SH3RF3: variants seen among roughly 807,000 people sequenced by gnomAD.
SH3RF3 encodes E3 ubiquitin-protein ligase SH3RF3.
A neutral mutation model predicts 66.3 loss-of-function variants in SH3RF3; 29 were observed. The ratio of observed to expected loss-of-function variants is 0.44; its 90% CI spans 0.33 to 0.60. The LOEUF (loss-of-function observed/expected upper bound fraction) is 0.60. Among genes scored for constraint, SH3RF3 ranks in the 20% least tolerant of loss-of-function variants. The pLI is 0.04. For missense variants in SH3RF3, 1,194 were observed against 1,190.9 expected (o/e 1.00, Z -0.04); for synonymous variants, 583 against 532.0 (o/e 1.10, Z -1.32).
At chr2:109,369,721 TC>T (rs1380213249) in intron 2 of SH3RF3, among the ~76,000 whole-genome samples, 2 of 152,116 alleles carry the variant, frequency 1.3e-5, no homozygotes, top group African/African-American at 4.8e-5. Context: ...TTCTGTGTGA[TC>T]CCACATGGGC....
chr2:109,492,957 C>A (rs1398297688), intron 9 of SH3RF3, among the ~76,000 whole-genome samples: 1 of 152,068 alleles, frequency 6.6e-6, no homozygotes, highest in Non-Finnish European at 1.5e-5. Flanking sequence ...CTACAGGGCC[C>A]CAGGCCCTTG....
intron 4 of SH3RF3, among the ~76,000 whole-genome samples, chr2:109,414,813 C>T (rs1044471559): frequency 6.6e-5 from 10 of 152,228 alleles, no homozygotes; most frequent in African/African-American, 1.9e-4. Flanking sequence ...GCTAGAAACT[C>T]GGCCCATGCT....
chr2:109,501,784 C>T lies in SH3RF3; in HGVS notation c.*113C>T. 1 of 630,382 alleles carries T rather than the reference C, an allele frequency of 1.6e-6. No individual in the cohort carries two copies. Among genetic ancestry groups the T allele is most frequent in the African/African-American group, 1.8e-5 (1 of 55,156 alleles). The allele number at this position is 630,382 out of a possible 1,614,324, so 39.0% of individuals were successfully genotyped here. On this transcript the variant is annotated 3_prime_UTR_variant, in exon 10 of 10. Coordinates refer to ENST00000309415, the MANE Select transcript of SH3RF3 (RefSeq NM_001099289.3). ...AGGGTTCCAGGTCATCTCCAAGGCA[C>T]CTGGCGGGGGATACCCTGGCCCAGG...
chr2:109,293,095 C>G lies in SH3RF3; in HGVS notation c.574-54579C>G, dbSNP rs1338040673. On this transcript the variant is annotated intron_variant, in intron 1 of 9. Coordinates refer to ENST00000309415, the MANE Select transcript of SH3RF3 (RefSeq NM_001099289.3). ...AGGGTCCCTGCACAAGCAGGAAGGA[C>G]TGTCTCGCCATGACACTGCAGGGGA... Among the ~76,000 whole-genome samples the G allele has an allele frequency of 2.6e-5, 4 of 152,186 alleles. 1 individual carries two copies. Among genetic ancestry groups the G allele is most frequent in the Non-Finnish European group, 4.4e-5 (3 of 68,036 alleles).
chr2:109,343,707 T>C (rs1486721241), intron 1 of SH3RF3, among the ~76,000 whole-genome samples: 1 of 151,034 alleles, frequency 6.6e-6, no homozygotes, highest in Non-Finnish European at 1.5e-5. Flanking sequence ...CAATCTCCAG[T>C]CTGCCCCTGC....
chr2:109,244,177 A>G (rs983457641), intron 1 of SH3RF3, among the ~76,000 whole-genome samples: 4 of 152,322 alleles, frequency 2.6e-5, no homozygotes, highest in East Asian at 1.9e-4. Context: ...AGGATGTACT[A>G]TTTATGGACT....
chr2:109,297,708 GC>G (rs1681350540), intron 1 of SH3RF3, among the ~76,000 whole-genome samples: 1 of 143,962 alleles, frequency 6.9e-6, no homozygotes, highest in South Asian at 2.2e-4. Context: ...TTCTGCCCAT[GC>G]CCCCCAACTG....
At chr2:109,274,785 T>C (rs924390286) in intron 1 of SH3RF3, among the ~76,000 whole-genome samples, 1 of 152,204 alleles carries the variant, frequency 6.6e-6, no homozygotes, top group Non-Finnish European at 1.5e-5. Flanking sequence ...TCATGTTATA[T>C]GAATTTTGCA....
intron 1 of SH3RF3, among the ~76,000 whole-genome samples, chr2:109,166,847 G>A (rs910159945): frequency 1.3e-5 from 2 of 152,172 alleles, no homozygotes; most frequent in African/African-American, 4.8e-5. Context: ...CCCCATATAT[G>A]ATTTTAACAA....
At chr2:109,451,487 A>G (rs549088362) in intron 8 of SH3RF3, among the ~76,000 whole-genome samples, 1 of 152,312 alleles carries the variant, frequency 6.6e-6, no homozygotes, top group South Asian at 2.1e-4. Flanking sequence ...TGTGAAGCAA[A>G]TGGGACTGGC....
chr2:109,262,731 C>T (rs190979902), intron 1 of SH3RF3, among the ~76,000 whole-genome samples: 1 of 152,328 alleles, frequency 6.6e-6, no homozygotes, highest in African/African-American at 2.4e-5. Context: ...GCTTTGTTCT[C>T]ACTTACCTCC....
chr2:109,177,354 A>G (rs1677944762), intron 1 of SH3RF3, among the ~76,000 whole-genome samples: 2 of 152,182 alleles, frequency 1.3e-5, no homozygotes, highest in Admixed American at 6.5e-5. Context: ...GGTACAAGGG[A>G]CTGCAACTAA....
chr2:109,227,538 G>A (rs1454467207), intron 1 of SH3RF3, among the ~76,000 whole-genome samples: 2 of 152,212 alleles, frequency 1.3e-5, no homozygotes, highest in East Asian at 3.9e-4. Flanking sequence ...GGGTCTGCCT[G>A]GGCCCTGCCC....
intron 6 of SH3RF3, among the ~76,000 whole-genome samples, chr2:109,433,543 G>A (rs1677309790): frequency 6.6e-6 from 1 of 152,218 alleles, no homozygotes; most frequent in Non-Finnish European, 1.5e-5. Context: ...ACACACAGAA[G>A]CGAAAGACGT....
intron 1 of SH3RF3, among the ~76,000 whole-genome samples, chr2:109,211,489 G>A (rs76012803): frequency 6.6e-6 from 1 of 152,270 alleles, no homozygotes; most frequent in East Asian, 1.9e-4. Context: ...GCGCAACTGC[G>A]GTGGAGGGGG....
intron 1 of SH3RF3, among the ~76,000 whole-genome samples, chr2:109,259,689 A>G (rs943789543): frequency 1.3e-5 from 2 of 152,236 alleles, no homozygotes; most frequent in African/African-American, 4.8e-5. Context: ...CTCACGGCCT[A>G]CGGAAGAAGA....
rs1213332011 is a variant in SH3RF3, at chr2:109,176,499, A to C, written c.573+46386A>C. On this transcript the variant is annotated intron_variant, in intron 1 of 9. Coordinates refer to ENST00000309415, the MANE Select transcript of SH3RF3 (RefSeq NM_001099289.3). ...CTAATCCTAACACTTTGTGGGGCCA[A>C]GGTGGGAGGATCACTTCAGTCCAGG... 2.0e-5 allele frequency among the ~76,000 whole-genome samples: 3 copies of C among 152,142 alleles called. No homozygotes were observed. The South Asian group carries it at 6.2e-4, about 31-fold the overall frequency.
At chr2:109,169,687 T>C (rs987740268) in intron 1 of SH3RF3, among the ~76,000 whole-genome samples, 1 of 152,160 alleles carries the variant, frequency 6.6e-6, no homozygotes, top group Non-Finnish European at 1.5e-5. Flanking sequence ...TTTCATTGTT[T>C]GGCTATATCT....
intron 8 of SH3RF3, among the ~76,000 whole-genome samples, chr2:109,470,359 T>C (rs1031825394): frequency 6.6e-6 from 1 of 152,188 alleles, no homozygotes; most frequent in African/African-American, 2.4e-5. Flanking sequence ...GATCATCTTT[T>C]CCAGAGTTTT....
Sources: gnomAD v4.1 joint callset for allele counts (sites outside exome capture counted in the v4.1 genomes callset) on GRCh38, gnomAD v4.1.1 for gene constraint, MANE v1.5 for transcripts, NCBI Gene and HGNC (gene_info 2026-07-23, HGNC 2026-07-21) for gene names.